The following LTBP1 variants were observed in gnomAD, a reference collection of about 807,000 sequenced individuals.
LTBP1 encodes the protein latent transforming growth factor beta binding protein 1.
Under a neutral mutation model 207.6 loss-of-function variants are expected in LTBP1, and 129 were observed. The ratio of observed to expected loss-of-function variants is 0.62; its 90% CI spans 0.54 to 0.72. The LOEUF (loss-of-function observed/expected upper bound fraction) is 0.72, where lower values mean the gene tolerates loss of function less well. Ranked by LOEUF, LTBP1 falls within the 30% of genes least tolerant of loss-of-function variation. The pLI is 0.00. For synonymous variants in LTBP1, 963 were observed against 833.7 expected (o/e 1.16, Z -2.67); for missense variants, 2,281 against 2,217.2 (o/e 1.03, Z -0.58).
intron 20 of LTBP1, among the ~76,000 whole-genome samples, chr2:33,295,001 T>G (rs555411055): frequency 6.6e-6 from 1 of 152,192 alleles, no homozygotes; most frequent in East Asian, 1.9e-4. Context: ...CATGGTCTTT[T>G]TACTATTTTT....
chr2:33,248,845 C>T (rs1369875424), intron 10 of LTBP1, among the ~76,000 whole-genome samples: 4 of 152,126 alleles, frequency 2.6e-5, no homozygotes, highest in Non-Finnish European at 4.4e-5. Flanking sequence ...CCTCTGCCTC[C>T]CAAAGTGGTG....
At chr2:33,360,808 A>T in intron 27 of LTBP1, 29 bp downstream of exon 27, 1 of 1,607,620 alleles carries the variant, frequency 6.2e-7, no homozygotes, top group Non-Finnish European at 8.5e-7. Flanking sequence ...GTAGAGTCAC[A>T]CTTGTGTTTG....
intron 7 of LTBP1, among the ~76,000 whole-genome samples, chr2:33,202,919 T>C (rs2089478991): frequency 6.6e-6 from 1 of 152,218 alleles, no homozygotes; most frequent in Non-Finnish European, 1.5e-5. Context: ...AGTTGGAGTG[T>C]GTGCTGATTG....
At chr2:33,322,525 C>T (rs1235353713) in intron 24 of LTBP1, among the ~76,000 whole-genome samples, 1 of 152,166 alleles carries the variant, frequency 6.6e-6, no homozygotes, top group African/African-American at 2.4e-5. Flanking sequence ...ACTGGAGATA[C>T]ATTATATATC....
intron 19 of LTBP1, among the ~76,000 whole-genome samples, chr2:33,285,579 G>A (rs891426023): frequency 1.3e-5 from 2 of 150,418 alleles, no homozygotes; most frequent in African/African-American, 4.9e-5. Flanking sequence ...CTCCTGAGTT[G>A]CTGGGATTAC....
At chr2:32,959,597 GTATATA>G (rs71407487) in intron 2 of LTBP1, among the ~76,000 whole-genome samples, 18 of 58,334 alleles carry the variant, frequency 3.1e-4, no homozygotes, top group African/African-American at 4.2e-4. Flanking sequence ...ATATGTACGT[GTATATA>G]TATATATATA....
At chr2:33,376,062 A>C (rs2095136425) in intron 31 of LTBP1, among the ~76,000 whole-genome samples, 1 of 152,224 alleles carries the variant, frequency 6.6e-6, no homozygotes, top group South Asian at 2.1e-4. Context: ...ATTAATTAAA[A>C]TTTTGAACAC....
At chr2:33,084,362 A>G (rs2078623955) in intron 3 of LTBP1, among the ~76,000 whole-genome samples, 1 of 152,186 alleles carries the variant, frequency 6.6e-6, no homozygotes, top group Non-Finnish European at 1.5e-5. Context: ...GAAAGGGACC[A>G]TGAAGCAGAC....
In LTBP1 at chr2:33,389,299, C is replaced by T. The variant is rs750951436; in HGVS notation, c.4827C>T (p.Ile1609=). The change falls in exon 32 of 34, where the codon ATC becomes ATT. Residue 1609 remains isoleucine (I), a synonymous_variant. Coordinates refer to ENST00000404816, the MANE Select transcript of LTBP1 (RefSeq NM_206943.4). ...CTCCAGAAGCCGATCCCTACTTCAT[C>T]CAAGACCGTAAGCAAAATAACCTTG... ...QYTPEADPYF[I]QDRFLNSFEE... The T allele has an allele frequency of 3.1e-6, 5 of 1,614,030 alleles. No individual in the cohort carries two copies. The highest frequency in any genetic ancestry group is 4.2e-6 in the Non-Finnish European group (5 of 1,180,022).
chr2:33,068,701 T>G (rs758478394), intron 3 of LTBP1, among the ~76,000 whole-genome samples: 3 of 152,230 alleles, frequency 2.0e-5, no homozygotes, highest in Non-Finnish European at 2.9e-5. Context: ...TGAGTCCCAA[T>G]TAAGCAAATT....
At chr2:33,215,712 T>TTTTG (rs1391001092) in intron 7 of LTBP1, among the ~76,000 whole-genome samples, 1 of 81,812 alleles carries the variant, frequency 1.2e-5, no homozygotes, top group African/African-American at 4.7e-5. Flanking sequence ...ATTGGTTTTC[T>TTTTG]TTTGTTTTTT....
At chr2:33,116,973 C>T (rs1263435317) in intron 4 of LTBP1, among the ~76,000 whole-genome samples, 1 of 152,174 alleles carries the variant, frequency 6.6e-6, no homozygotes, top group Non-Finnish European at 1.5e-5. Flanking sequence ...ACATCTTAGC[C>T]CTGAGTTCTG....
chr2:32,972,889 G>A (rs988005489), intron 2 of LTBP1, among the ~76,000 whole-genome samples: 1 of 152,078 alleles, frequency 6.6e-6, no homozygotes, highest in African/African-American at 2.4e-5. Context: ...TTGTTTATAC[G>A]TTACCCAGTC....
chr2:33,367,037 C>T (rs1170675546), intron 31 of LTBP1, among the ~76,000 whole-genome samples: 2 of 152,098 alleles, frequency 1.3e-5, no homozygotes, highest in South Asian at 2.1e-4. Flanking sequence ...AAGACACTCA[C>T]TTTTGACAGT....
chr2:33,313,410 A>G (rs547296696), intron 23 of LTBP1, among the ~76,000 whole-genome samples: 2 of 152,332 alleles, frequency 1.3e-5, no homozygotes, highest in South Asian at 4.1e-4. Context: ...GAGCTTCAGG[A>G]GATTCTGGCT....
intron 2 of LTBP1, among the ~76,000 whole-genome samples, chr2:33,013,975 G>T (rs910577802): frequency 6.6e-6 from 1 of 152,126 alleles, no homozygotes; most frequent in Non-Finnish European, 1.5e-5. Flanking sequence ...GGTTGGTGAA[G>T]TTGTTACTCG....
At chr2:33,059,379 G>C (rs917164797) in intron 3 of LTBP1, among the ~76,000 whole-genome samples, 8 of 152,166 alleles carry the variant, frequency 5.3e-5, no homozygotes, top group South Asian at 4.1e-4. Context: ...CCAGTAATGA[G>C]ACCCATAAAT....
intron 32 of LTBP1, among the ~76,000 whole-genome samples, chr2:33,390,365 G>A (rs1056742660): frequency 1.3e-5 from 2 of 152,106 alleles, no homozygotes; most frequent in African/African-American, 4.8e-5. Flanking sequence ...AACAGCAGGA[G>A]GTCCACAATG....
chr2:33,065,273 G>T (rs1439675174), intron 3 of LTBP1, among the ~76,000 whole-genome samples: 3 of 152,130 alleles, frequency 2.0e-5, no homozygotes, highest in Non-Finnish European at 2.9e-5. Flanking sequence ...AATTCCACTT[G>T]AGGTGAGGCA....
Sources: gnomAD v4.1 joint callset for allele counts (sites outside exome capture counted in the v4.1 genomes callset) on GRCh38, gnomAD v4.1.1 for gene constraint, MANE v1.5 for transcripts, NCBI Gene and HGNC (gene_info 2026-07-23, HGNC 2026-07-21) for gene names.